BLM: variants seen among roughly 807,000 people sequenced by gnomAD.
BLM encodes the protein BLM RecQ like helicase, also known as recQ-like DNA helicase BLM.
In BLM, 95 loss-of-function variants were observed where a neutral mutation model predicts 135.3. That is an observed-to-expected ratio of 0.70 (90% CI 0.59 to 0.83). BLM has a LOEUF of 0.83. Ranked by LOEUF, BLM falls within the 40% of genes least tolerant of loss-of-function variation. BLM has a pLI of 0.00. For synonymous variants in BLM, 520 were observed against 589.2 expected, an observed-to-expected ratio of 0.88 and a Z score of 1.70; for missense variants, 1,518 against 1,663.9, an observed-to-expected ratio of 0.91 and a Z score of 1.53.
chr15:90,751,575 G>A (rs1197833433), intron 3 of BLM, among the ~76,000 whole-genome samples: 2 of 152,196 alleles, frequency 1.3e-5, no homozygotes, highest in Admixed American at 6.5e-5. Flanking sequence ...TTCGGCCTCA[G>A]TCGAGCATTC....
chr15:90,738,678 A>T (rs1334819073), intron 1 of BLM, among the ~76,000 whole-genome samples: 1 of 152,238 alleles, frequency 6.6e-6, no homozygotes, highest in Non-Finnish European at 1.5e-5. Flanking sequence ...CAAAGAAGAT[A>T]TACAAATGGC....
chr15:90,774,426 C>T (rs1406370983), intron 12 of BLM, among the ~76,000 whole-genome samples: 1 of 151,992 alleles, frequency 6.6e-6, no homozygotes. Context: ...AGTTTTTCCA[C>T]ATGCTTATCA....
chr15:90,760,301 T>C (rs1381317327), intron 6 of BLM, 22 bp downstream of exon 6: 1 of 1,613,714 alleles, frequency 6.2e-7, no homozygotes, highest in Non-Finnish European at 8.5e-7. Context: ...TTCCCCCTTC[T>C]GGAATATATC....
At chr15:90,751,524 G>T (rs1018765734) in intron 3 of BLM, among the ~76,000 whole-genome samples, 2 of 152,200 alleles carry the variant, frequency 1.3e-5, no homozygotes, top group Admixed American at 6.5e-5. Context: ...TACGTGTTTC[G>T]TAATTAACCA....
intron 3 of BLM, 106 bp downstream of exon 3, chr15:90,750,173 GT>G: frequency 1.6e-6 from 2 of 1,255,434 alleles, no homozygotes; most frequent in Non-Finnish European, 2.3e-6. Flanking sequence ...CCTTAAGGTT[GT>G]TAGGGTCTTT....
intron 13 of BLM, among the ~76,000 whole-genome samples, chr15:90,784,220 A>C (rs923735475): frequency 6.6e-6 from 1 of 151,610 alleles, no homozygotes; most frequent in Non-Finnish European, 1.5e-5. Flanking sequence ...TCCTTGTATC[A>C]CTTTATTTCC....
chr15:90,807,188 G>A (rs1313793614), intron 19 of BLM, among the ~76,000 whole-genome samples: 1 of 152,170 alleles, frequency 6.6e-6, no homozygotes, highest in Non-Finnish European at 1.5e-5. Context: ...TCTGTTATCA[G>A]TTCTGTTTTG....
At chr15:90,768,878 C>T (rs1020246586) in intron 10 of BLM, among the ~76,000 whole-genome samples, 5 of 152,158 alleles carry the variant, frequency 3.3e-5, no homozygotes, top group Admixed American at 6.5e-5. Flanking sequence ...AGGCATGCAC[C>T]ACCACGCCCG....
rs745922014 is a variant in BLM, at chr15:90,763,113, A to G, written c.2030A>G (p.Asn677Ser). Residue 677 changes from asparagine (N) to serine (S), a missense_variant, in exon 8 of 22, where the codon AAT (asparagine) becomes AGT (serine). Around this residue, in one of 5 missense-constraint regions of BLM, gnomAD observed 13 missense variants for 35.8 expected, o/e 0.36. Coordinates refer to ENST00000355112, the MANE Select transcript of BLM (RefSeq NM_000057.4). ...AGAACTAATCAGCTAGAGGCGATCA[A>G]TGCTGCACTGCTTGGTGAAGACTGT... ...NFRTNQLEAINAALLGEDCFI... is the reference protein window; with the variant it reads ...NFRTNQLEAISAALLGEDCFI... The G allele has an allele frequency of 1.9e-6, 3 of 1,614,006 alleles. No homozygotes were observed. Among genetic ancestry groups the G allele is most frequent in the Non-Finnish European group, 1.7e-6 (2 of 1,179,990 alleles).
intron 12 of BLM, among the ~76,000 whole-genome samples, chr15:90,779,149 T>C (rs1020712742): frequency 2.0e-5 from 3 of 152,152 alleles, no homozygotes; most frequent in African/African-American, 7.2e-5. Flanking sequence ...CCTCCCAAAG[T>C]GCTGGAATTA....
At chr15:90,773,851 C>G (rs903703371) in intron 12 of BLM, among the ~76,000 whole-genome samples, 1 of 152,020 alleles carries the variant, frequency 6.6e-6, no homozygotes, top group Non-Finnish European at 1.5e-5. Context: ...TTTTATGGAT[C>G]CTACTTTCTG....
intron 15 of BLM, 26 bp from the exon 16 acceptor site, chr15:90,794,141 C>G: frequency 6.5e-7 from 1 of 1,538,432 alleles, no homozygotes. Flanking sequence ...ATAAGTATGT[C>G]TTACTATAGT....
chr15:90,788,930 G>A (rs771416614), intron 14 of BLM, among the ~76,000 whole-genome samples: 81 of 147,552 alleles, frequency 5.5e-4, no homozygotes, highest in African/African-American at 1.6e-3. Flanking sequence ...CCAAAATCAC[G>A]CCACTGCATT....
In BLM at chr15:90,749,613, G is replaced by C. The variant is rs374578971; in HGVS notation, c.345G>C (p.Pro115=). Reference sequence around the variant, plus strand: ...TATTGCCAGATTTCTTGCAGACTCCGAAGGAAGTTGTATGCACTACCCAAA... The same window carrying C: ...TATTGCCAGATTTCTTGCAGACTCCCAAGGAAGTTGTATGCACTACCCAAA... ...KSLLPDFLQT[P]KEVVCTTQNT... is the part of the protein sequence containing the mutation. Residue 115 remains proline (P), a synonymous_variant, in exon 3 of 22, where the codon CCG becomes CCC. Coordinates refer to ENST00000355112, the MANE Select transcript of BLM (RefSeq NM_000057.4). 6.2e-7 allele frequency: 1 copy of C among 1,614,138 alleles called. No homozygotes were observed. Among genetic ancestry groups the C allele is most frequent in the Non-Finnish European group, 8.5e-7 (1 of 1,180,016 alleles).
intron 9 of BLM, among the ~76,000 whole-genome samples, chr15:90,766,623 T>C (rs1004851976): frequency 1.3e-5 from 2 of 152,164 alleles, no homozygotes; most frequent in African/African-American, 4.8e-5. Context: ...AGATGGGGTT[T>C]CTCCGTGTTG....
In BLM at chr15:90,779,079, G is replaced by T. The variant is rs533988493; in HGVS notation, c.2556-3743G>T. On this transcript the variant is annotated intron_variant, in intron 12 of 21. Coordinates refer to ENST00000355112, the MANE Select transcript of BLM (RefSeq NM_000057.4). ...TTTCGTATTTTTAGTAGAGATGGGG[G>T]TTTCCCCATATTGGCCAGGCTGGTC... Among the ~76,000 whole-genome samples the T allele has an allele frequency of 4.6e-5, 7 of 152,054 alleles. No individual in the cohort carries two copies. In the South Asian group the frequency reaches 1.2e-3, roughly 27 times the overall value.
intron 16 of BLM, among the ~76,000 whole-genome samples, chr15:90,797,844 C>T (rs902120190): frequency 1.3e-5 from 2 of 152,122 alleles, no homozygotes; most frequent in Non-Finnish European, 2.9e-5. Context: ...TACGTGGCAC[C>T]CCACAGGTTC....
chr15:90,781,551 A>G (rs1034270062), intron 12 of BLM, among the ~76,000 whole-genome samples: 4 of 152,102 alleles, frequency 2.6e-5, no homozygotes, highest in African/African-American at 9.7e-5. Context: ...GCTTGAACCC[A>G]GGAGGTAGAG....
chr15:90,758,139 C>T (rs1895868859), intron 5 of BLM, among the ~76,000 whole-genome samples: 1 of 151,930 alleles, frequency 6.6e-6, no homozygotes, highest in African/African-American at 2.4e-5. Context: ...CTCAGCCTTC[C>T]AAAGTGCTGG....
Sources: allele counts gnomAD v4.1 joint callset (sites outside exome capture counted in the v4.1 genomes callset), GRCh38; gene constraint gnomAD v4.1.1; regional missense constraint gnomAD v4.1.1; transcripts MANE v1.5; gene names NCBI Gene and HGNC (gene_info 2026-07-23, HGNC 2026-07-21).